Variants in SH3RF3 observed in about 807,000 individuals in gnomAD.
SH3RF3 encodes E3 ubiquitin-protein ligase SH3RF3.
SH3RF3 carries 29 observed loss-of-function variants against 66.3 expected under a neutral mutation model. The observed-to-expected ratio is 0.44, with a 90% CI of 0.33 to 0.60. The LOEUF is 0.60. Among genes scored for constraint, SH3RF3 ranks in the 20% least tolerant of loss-of-function variants. The pLI is 0.04. For synonymous variants in SH3RF3, 583 were observed against 532.0 expected (o/e 1.10, Z -1.32); for missense variants, 1,194 against 1,190.9 (o/e 1.00, Z -0.04).
chr2:109,373,244 A>G (rs761718274), intron 3 of SH3RF3, among the ~76,000 whole-genome samples: 5 of 152,264 alleles, frequency 3.3e-5, no homozygotes, highest in Non-Finnish European at 5.9e-5. Context: ...TTAATGCGCG[A>G]ATACCACTTA....
At chr2:109,472,586 A>T (rs1392816046) in intron 8 of SH3RF3, among the ~76,000 whole-genome samples, 1 of 152,156 alleles carries the variant, frequency 6.6e-6, no homozygotes, top group African/African-American at 2.4e-5. Context: ...TGGTTGGATG[A>T]AGTGATTTCC....
At chr2:109,172,323 G>A (rs1280130212) in intron 1 of SH3RF3, among the ~76,000 whole-genome samples, 3 of 152,216 alleles carry the variant, frequency 2.0e-5, no homozygotes, top group African/African-American at 4.8e-5. Context: ...TGCAAACAGC[G>A]TGGAAATGCG....
intron 1 of SH3RF3, among the ~76,000 whole-genome samples, chr2:109,168,066 A>C (rs1574484355): frequency 6.6e-6 from 1 of 152,200 alleles, no homozygotes; most frequent in East Asian, 1.9e-4. Flanking sequence ...TCATTTACTA[A>C]AATGAAATCA....
chr2:109,436,070 C>G (rs7569622), intron 6 of SH3RF3, among the ~76,000 whole-genome samples: 2,302 of 152,228 alleles, frequency 0.015, 63 homozygotes, highest in African/African-American at 0.053. Flanking sequence ...GGACCAGGCA[C>G]AGGAGACGGG....
At chr2:109,324,314 G>A (rs895472584) in intron 1 of SH3RF3, among the ~76,000 whole-genome samples, 1 of 152,170 alleles carries the variant, frequency 6.6e-6, no homozygotes, top group Non-Finnish European at 1.5e-5. Context: ...TGCTCTAGGA[G>A]TAGGGGTACT....
In SH3RF3 at chr2:109,398,830, A is replaced by T; in HGVS notation, c.1186A>T (p.Ser396Cys). ...GACGCACAGATCCTCCCAGGCTGCC[A>T]GCCACAGGCATTCCATGGAAATTAG... ...SVTHRSSQAA[S>C]HRHSMEISAP... The change falls in exon 4 of 10, where the codon AGC (serine) becomes TGC (cysteine). Residue 396 changes from serine to cysteine, a missense_variant. Transcript: ENST00000309415. 1 of 1,613,964 alleles carries T rather than the reference A, an allele frequency of 6.2e-7. No homozygotes were observed. Among genetic ancestry groups the T allele is most frequent in the Non-Finnish European group, 8.5e-7 (1 of 1,179,886 alleles).
chr2:109,388,739 T>G (rs761475281), intron 3 of SH3RF3, among the ~76,000 whole-genome samples: 4 of 152,198 alleles, frequency 2.6e-5, no homozygotes, highest in Non-Finnish European at 5.9e-5. Flanking sequence ...TGAAGTAGGC[T>G]CTAATCCTCA....
At position 109,398,982 on chromosome 2, in the gene SH3RF3, T is replaced by C. The variant is rs749501959; in HGVS notation, c.1299+39T>C. ...GGCCAGGGCAGGCATCCCTGGGTTC[T>C]CTGGGGTTCTATCCTCAGCTCCGTG... On this transcript the variant is annotated intron_variant, in intron 4 of 9. Transcript: ENST00000309415. 2.6e-6 allele frequency: 4 copies of C among 1,563,686 alleles called. No individual in the cohort carries two copies. In the Admixed American group the frequency reaches 7.1e-5, roughly 28 times the overall value.
At chr2:109,161,690 A>ACAGT in intron 1 of SH3RF3, among the ~76,000 whole-genome samples, 1 of 152,052 alleles carries the variant, frequency 6.6e-6, no homozygotes, top group South Asian at 2.1e-4. Context: ...CAGAGATCAT[A>ACAGT]CAGTGAGAGA....
intron 1 of SH3RF3, among the ~76,000 whole-genome samples, chr2:109,330,578 A>ATGGG (rs1682260924): frequency 1.3e-5 from 2 of 152,108 alleles, no homozygotes; most frequent in African/African-American, 2.4e-5. Context: ...CACTGTTTGC[A>ATGGG]TGGGTGGATG....
intron 1 of SH3RF3, among the ~76,000 whole-genome samples, chr2:109,206,027 G>A (rs1282353067): frequency 6.6e-6 from 1 of 152,176 alleles, no homozygotes; most frequent in Non-Finnish European, 1.5e-5. Flanking sequence ...CTAACCTGGT[G>A]AACTGTCACT....
At chr2:109,226,800 TAAG>T (rs1679384663) in intron 1 of SH3RF3, among the ~76,000 whole-genome samples, 1 of 152,186 alleles carries the variant, frequency 6.6e-6, no homozygotes, top group Admixed American at 6.5e-5. Context: ...TGTGGCTTAG[TAAG>T]AAGAACAGCT....
intron 8 of SH3RF3, among the ~76,000 whole-genome samples, chr2:109,472,336 C>G (rs1230122698): frequency 6.6e-6 from 1 of 152,098 alleles, no homozygotes; most frequent in East Asian, 1.9e-4. Flanking sequence ...CACCTGCACT[C>G]TCGGTGGTCT....
intron 8 of SH3RF3, among the ~76,000 whole-genome samples, chr2:109,474,159 G>A (rs561775459): frequency 5.3e-5 from 8 of 152,298 alleles, no homozygotes; most frequent in East Asian, 3.9e-4. Flanking sequence ...AAGCTTGGCC[G>A]CACCTGCGTA....
intron 1 of SH3RF3, among the ~76,000 whole-genome samples, chr2:109,292,398 T>A (rs1289015298): frequency 6.6e-6 from 1 of 152,256 alleles, no homozygotes; most frequent in Non-Finnish European, 1.5e-5. Flanking sequence ...GTCTTTTCAC[T>A]TAATGCTATG....
At chr2:109,204,866 A>G (rs1678772841) in intron 1 of SH3RF3, among the ~76,000 whole-genome samples, 1 of 152,178 alleles carries the variant, frequency 6.6e-6, no homozygotes, top group South Asian at 2.1e-4. Flanking sequence ...GCTAAACTAA[A>G]GGCTTTTTTG....
intron 1 of SH3RF3, among the ~76,000 whole-genome samples, chr2:109,188,140 T>C (rs905602229): frequency 6.6e-6 from 1 of 152,212 alleles, no homozygotes; most frequent in African/African-American, 2.4e-5. Flanking sequence ...GGAAACAAAA[T>C]ATGACTTACA....
chr2:109,432,501 G>A lies in SH3RF3; in HGVS notation c.1404G>A (p.Val468=), dbSNP rs1677261014. Residue 468 remains valine, a splice_region_variant and synonymous_variant, in exon 6 of 10, where the codon GTG becomes GTA. Coordinates refer to ENST00000309415, the MANE Select transcript of SH3RF3 (RefSeq NM_001099289.3). ...CACTGGCCCCATGCTTTGCCCGCAG[G>A]TACCTGGCGCTCTACGCCTACAAGC... ...TPPKVQLPLN[V]YLALYAYKPQ... is the part of the protein sequence containing the mutation. 6.2e-7 allele frequency: 1 copy of A among 1,613,264 alleles called. No homozygotes were observed. Among genetic ancestry groups the A allele is most frequent in the Admixed American group, 1.7e-5 (1 of 59,946 alleles).
chr2:109,341,949 C>G (rs1217417539), intron 1 of SH3RF3, among the ~76,000 whole-genome samples: 1 of 152,182 alleles, frequency 6.6e-6, no homozygotes, highest in Non-Finnish European at 1.5e-5. Flanking sequence ...AAGTGGGTAT[C>G]AGGGGTCATT....
Sources: gnomAD v4.1 joint callset for allele counts (sites outside exome capture counted in the v4.1 genomes callset) on GRCh38, gnomAD v4.1.1 for gene constraint, MANE v1.5 for transcripts, NCBI Gene and HGNC (gene_info 2026-07-23, HGNC 2026-07-21) for gene names.